Variants in SPARC observed in about 807,000 individuals in gnomAD.
SPARC encodes the protein basement-membrane protein 40.
SPARC carries 23 observed loss-of-function variants against 37.7 expected under a neutral mutation model. The observed-to-expected ratio is 0.61, with a 90% CI of 0.44 to 0.87. The LOEUF is 0.87. Ranked by LOEUF, SPARC falls within the 40% of genes least tolerant of loss-of-function variation. The pLI, the probability that SPARC is intolerant of heterozygous loss-of-function variation, is 0.00. For missense variants in SPARC, 312 were observed against 389.0 expected, an observed-to-expected ratio of 0.80 and a Z score of 1.66; for synonymous variants, 155 against 150.8, an observed-to-expected ratio of 1.03 and a Z score of -0.20.
rs1400419833 is a variant in SPARC at position 151,667,494 on chromosome 5, G to A, written c.558C>T (p.Asn186=). 1.2e-6 allele frequency: 2 copies of A among 1,614,066 alleles called. No individual in the cohort carries two copies. The highest frequency in any genetic ancestry group is 1.3e-5 in the African/African-American group (1 of 74,906). ...VTLYERDEDN[N]LLTEKQKLRV... ...GCAGCTTCTGCTTCTCAGTCAGAAG[G>A]TTGTTGTCCTCATCCCTCTCATACA... The change falls in exon 7 of 10, where the codon AAC becomes AAT. Residue 186 remains asparagine (N), a synonymous_variant. Coordinates refer to ENST00000231061, the MANE Select transcript of SPARC (RefSeq NM_003118.4).
chr5:151,665,850 C>T (rs1333461725), intron 8 of SPARC, among the ~76,000 whole-genome samples: 2 of 152,220 alleles, frequency 1.3e-5, no homozygotes, highest in African/African-American at 2.4e-5. Flanking sequence ...CCTCATAACT[C>T]GTTTGGACAA....
At chr5:151,685,652 A>G (rs932169489) in intron 1 of SPARC, among the ~76,000 whole-genome samples, 1 of 152,202 alleles carries the variant, frequency 6.6e-6, no homozygotes, top group African/African-American at 2.4e-5. Context: ...GATCACACAT[A>G]AAATGCATGC....
chr5:151,673,063 C>G (rs1207152601), intron 4 of SPARC, 66 bp downstream of exon 4: 1 of 1,119,548 alleles, frequency 8.9e-7, no homozygotes, highest in South Asian at 1.2e-5. Flanking sequence ...GTAGGCTGTC[C>G]TCGTGCCCCA....
intron 7 of SPARC, among the ~76,000 whole-genome samples, 166 bp downstream of exon 7, chr5:151,667,301 T>A (rs532807499): frequency 6.6e-6 from 1 of 152,202 alleles, no homozygotes; most frequent in East Asian, 1.9e-4. Flanking sequence ...AAGATGTTAA[T>A]GTGCACCACA....
rs868159537 is a variant in SPARC, at chr5:151,678,181, A to G, written c.-13-1980T>C. On this transcript the variant is annotated intron_variant, in intron 1 of 9. Transcript: ENST00000231061. Reference sequence around the variant, plus strand: ...CCCTGTCTGAGCTATAATGACAGGGAAGTCATGTTATTGAAGAAATAGCCC... The same window carrying G: ...CCCTGTCTGAGCTATAATGACAGGGGAGTCATGTTATTGAAGAAATAGCCC... Among the ~76,000 whole-genome samples the G allele has an allele frequency of 2.0e-5, 3 of 152,324 alleles. No individual in the cohort carries two copies. In the South Asian group the frequency reaches 6.2e-4, roughly 32 times the overall value.
intron 5 of SPARC, among the ~76,000 whole-genome samples, chr5:151,671,146 G>T (rs923010941): frequency 2.6e-5 from 4 of 152,164 alleles, no homozygotes; most frequent in African/African-American, 7.2e-5. Flanking sequence ...ATGAGTTAAG[G>T]ACTATTTTTA....
In SPARC at chr5:151,666,589, A is replaced by C. The variant is rs1760628401; in HGVS notation, c.586-80T>G. Reference sequence around the variant, plus strand: ...GTCGGGCCCTCCCACCCCTCCCAGAAGGCCAGAGCAGGCAGAGACTAGCCA... The same window carrying C: ...GTCGGGCCCTCCCACCCCTCCCAGACGGCCAGAGCAGGCAGAGACTAGCCA... On this transcript the variant is annotated intron_variant, in intron 7 of 9. Coordinates refer to ENST00000231061, the MANE Select transcript of SPARC (RefSeq NM_003118.4). 6.7e-6 allele frequency: 9 copies of C among 1,351,808 alleles called. No individual in the cohort carries two copies. In the East Asian group the frequency reaches 2.1e-4, roughly 32 times the overall value. The allele number at this position is 1,351,808 out of a possible 1,614,324, so 83.7% of individuals were successfully genotyped here.
chr5:151,683,949 C>T (rs1351246165), intron 1 of SPARC, among the ~76,000 whole-genome samples: 4 of 152,208 alleles, frequency 2.6e-5, no homozygotes. Flanking sequence ...CTGTTTATCT[C>T]TGCATATTTA....
chr5:151,673,842 C>G (rs879109411), intron 3 of SPARC, among the ~76,000 whole-genome samples: 21 of 152,164 alleles, frequency 1.4e-4, no homozygotes, highest in African/African-American at 4.6e-4. Flanking sequence ...CTTCCTGAGG[C>G]TGTGTCACAG....
intron 1 of SPARC, among the ~76,000 whole-genome samples, chr5:151,685,630 A>T (rs1004489371): frequency 1.3e-5 from 2 of 152,168 alleles, no homozygotes; most frequent in Non-Finnish European, 2.9e-5. Flanking sequence ...TCCAGGGGAG[A>T]CACTTACCTA....
chr5:151,669,810 C>T, intron 5 of SPARC, 26 bp from the exon 6 acceptor site: 1 of 1,613,446 alleles, frequency 6.2e-7, no homozygotes, highest in South Asian at 1.1e-5. Flanking sequence ...AGAGTACCCC[C>T]TCCTTCATTC....
intron 6 of SPARC, among the ~76,000 whole-genome samples, chr5:151,669,148 C>G (rs1185081205): frequency 6.6e-6 from 1 of 152,184 alleles, no homozygotes; most frequent in East Asian, 1.9e-4. Flanking sequence ...CTTATCCTCT[C>G]TCTTCGGAGG....
chr5:151,671,971 C>G (rs982420722), intron 4 of SPARC: 1 of 408,012 alleles, frequency 2.5e-6, no homozygotes, highest in Non-Finnish European at 4.4e-6. Context: ...CACTAGATAC[C>G]ATATGGCTTT....
intron 1 of SPARC, chr5:151,679,219 G>T (rs1760928353): frequency 1.3e-5 from 2 of 152,222 alleles, no homozygotes; most frequent in South Asian, 4.1e-4. Context: ...ATCATTTTCA[G>T]GGTGTTTTCA....
In SPARC at chr5:151,664,249, G is replaced by A. The variant is rs1760578367; in HGVS notation, c.735-14C>T. On this transcript the variant is annotated splice_polypyrimidine_tract_variant and intron_variant, in intron 8 of 9. Transcript: ENST00000231061. ...TGGGAGAGGTACCTGCAGGGAAGGA[G>A]GCAGGGGAGGGCCTGAGGCATGGAA... 2.5e-6 allele frequency: 4 copies of A among 1,611,080 alleles called. No individual in the cohort carries two copies. In the Admixed American group the frequency reaches 5.0e-5, roughly 20 times the overall value.
At chr5:151,672,300 A>C (rs1760764321) in intron 4 of SPARC, among the ~76,000 whole-genome samples, 1 of 152,214 alleles carries the variant, frequency 6.6e-6, no homozygotes, top group African/African-American at 2.4e-5. Flanking sequence ...ACCATTAGCT[A>C]TCCCCTCAGG....
chr5:151,674,822 G>T (rs1286978753), intron 2 of SPARC, 148 bp from the exon 3 acceptor site: 1 of 690,312 alleles, frequency 1.4e-6, no homozygotes, highest in Non-Finnish European at 2.5e-6. Context: ...GACTGCCATG[G>T]TGAGGGACAG....
At chr5:151,685,190 C>T (rs915067919) in intron 1 of SPARC, 2 of 152,276 alleles carry the variant, frequency 1.3e-5, no homozygotes, top group African/African-American at 4.8e-5. Context: ...CCTCCCTCCC[C>T]CTCTTTGCTC....
At position 151,674,595 on chromosome 5, in the gene SPARC, G is replaced by A. The variant is rs375132952; in HGVS notation, c.120+17C>T. On this transcript the variant is annotated intron_variant, in intron 3 of 9. Transcript: ENST00000231061. ...AGGTAGAGAGGGGCTAAGGGGCTGCGGTCACTGCCCACATACCTCAGTCAC... is the reference window on the plus strand; with the variant it reads ...AGGTAGAGAGGGGCTAAGGGGCTGCAGTCACTGCCCACATACCTCAGTCAC... The A allele has an allele frequency of 2.3e-4, 375 of 1,613,334 alleles. No homozygotes were observed. The highest frequency in any genetic ancestry group is 6.6e-4 in the Middle Eastern group (4 of 6,056).
Sources: allele counts gnomAD v4.1 joint callset (sites outside exome capture counted in the v4.1 genomes callset), GRCh38; gene constraint gnomAD v4.1.1; transcripts MANE v1.5; gene names NCBI Gene and HGNC (gene_info 2026-07-23, HGNC 2026-07-21).